Variants in UBTD1 observed in about 807,000 individuals in gnomAD.
The protein encoded by UBTD1 is ubiquitin domain-containing protein 1.
UBTD1 carries 19 observed loss-of-function variants against 21.7 expected under a neutral mutation model. That is an observed-to-expected ratio of 0.87 (90% CI 0.61 to 1.28). The LOEUF (loss-of-function observed/expected upper bound fraction) is 1.28. Ranked by LOEUF, UBTD1 falls within the 50% of genes most tolerant of loss-of-function variation. The pLI is 0.00. For synonymous variants in UBTD1, 116 were observed against 135.1 expected (o/e 0.86, Z 0.98); for missense variants, 282 against 315.1 (o/e 0.89, Z 0.80).
chr10:97,519,126 C>T (rs923229155), intron 1 of UBTD1, among the ~76,000 whole-genome samples: 2 of 152,218 alleles, frequency 1.3e-5, no homozygotes, highest in East Asian at 1.9e-4. Flanking sequence ...TTCAAGTTTT[C>T]GTTTTCTCTA....
intron 1 of UBTD1, among the ~76,000 whole-genome samples, chr10:97,542,185 C>T (rs901161205): frequency 6.6e-6 from 1 of 152,166 alleles, no homozygotes. Context: ...CAGCCAGGCC[C>T]ACCACCCAGG....
intron 1 of UBTD1, among the ~76,000 whole-genome samples, chr10:97,508,593 A>C (rs1392135311): frequency 2.7e-5 from 4 of 150,022 alleles, no homozygotes; most frequent in African/African-American, 7.4e-5. Context: ...CTCCCACCCC[A>C]CCCCCATGGA....
intron 1 of UBTD1, among the ~76,000 whole-genome samples, chr10:97,553,973 A>G (rs2135682212): frequency 6.6e-6 from 1 of 152,256 alleles, no homozygotes; most frequent in East Asian, 1.9e-4. Context: ...TGTAGCGGGG[A>G]GGGGACCCTG....
rs2135642922 is a variant in UBTD1, at chr10:97,499,223, G to C, written c.20G>C (p.Arg7Thr). 1 of 1,548,058 alleles carries C rather than the reference G, an allele frequency of 6.5e-7. No individual in the cohort carries two copies. The highest frequency in any genetic ancestry group is 2.5e-5 in the East Asian group (1 of 40,704). MGNCVG[R>T]QRRERPAAPG... is the part of the protein sequence containing the mutation. ...GCCAGCATGGGCAACTGCGTGGGGA[G>C]ACAGCGCCGGGAGAGGCCGGCAGCC... is the stretch of plus-strand genomic sequence containing the variant. The change falls in exon 1 of 3, where the codon AGA becomes ACA. Residue 7 changes from arginine (R) to threonine (T), a missense_variant. Arg to Thr is a moderately conservative substitution (Grantham distance 71). Coordinates refer to ENST00000370664, the MANE Select transcript of UBTD1 (RefSeq NM_024954.5).
chr10:97,537,820 CTTTTTTTTTTT>C (rs57859135), intron 1 of UBTD1, among the ~76,000 whole-genome samples: 9 of 119,494 alleles, frequency 7.5e-5, no homozygotes, highest in Non-Finnish European at 1.4e-4. Flanking sequence ...CAGGCTTTCT[CTTTTTTTTTTT>C]TTTTTTTTTT....
At chr10:97,528,765 G>C (rs1373125669) in intron 1 of UBTD1, among the ~76,000 whole-genome samples, 2 of 117,232 alleles carry the variant, frequency 1.7e-5, no homozygotes, top group African/African-American at 3.2e-5. Context: ...CTGGCCGGGC[G>C]GGGGGCTGAC....
intron 1 of UBTD1, among the ~76,000 whole-genome samples, chr10:97,503,070 C>T (rs567491191): frequency 1.3e-5 from 2 of 151,950 alleles, no homozygotes; most frequent in Admixed American, 6.6e-5. Context: ...GTGTGCACCA[C>T]CACGCCCAGC....
At chr10:97,568,266 C>A in intron 2 of UBTD1, 125 bp downstream of exon 2, 1 of 946,270 alleles carries the variant, frequency 1.1e-6, no homozygotes, top group Non-Finnish European at 1.6e-6. Flanking sequence ...CATTCAAGCA[C>A]CCCTTACTGA....
In UBTD1 at chr10:97,567,926, C is replaced by A. The variant is rs2040725726; in HGVS notation, c.83C>A (p.Pro28His). The A allele has an allele frequency of 6.2e-7, 1 of 1,614,106 alleles. No homozygotes were observed. The highest frequency in any genetic ancestry group is 2.2e-5 in the East Asian group (1 of 44,864). ...HPRKRAGRNEPLKKERLKWKS... is the reference protein window; with the variant it reads ...HPRKRAGRNEHLKKERLKWKS... ...CTGTCCTGCCCAGGACGCAATGAGC[C>A]CCTGAAGAAAGAGCGGCTTAAGTGG... is the stretch of plus-strand genomic sequence containing the variant. The change falls in exon 2 of 3, where the codon CCC (proline) becomes CAC (histidine). Residue 28 changes from proline to histidine, a missense_variant. By Grantham distance (77) the Pro-to-His change is moderately conservative (BLOSUM62 -2). Coordinates refer to ENST00000370664, the MANE Select transcript of UBTD1 (RefSeq NM_024954.5).
chr10:97,566,461 G>C (rs1000862056), intron 1 of UBTD1, among the ~76,000 whole-genome samples: 5 of 152,146 alleles, frequency 3.3e-5, no homozygotes, highest in African/African-American at 1.2e-4. Context: ...ACAGGTAACT[G>C]TGAATTCAGA....
intron 1 of UBTD1, among the ~76,000 whole-genome samples, chr10:97,506,823 G>A (rs1327370010): frequency 6.6e-6 from 1 of 152,202 alleles, no homozygotes; most frequent in Non-Finnish European, 1.5e-5. Context: ...CCATGGTGTA[G>A]CATGTGTCAG....
chr10:97,552,008 C>G lies in UBTD1; in HGVS notation c.71-15906C>G, dbSNP rs534109404. 5.3e-5 allele frequency among the ~76,000 whole-genome samples: 8 copies of G among 152,118 alleles called. No individual in the cohort carries two copies. The South Asian group carries it at 1.7e-3, about 32-fold the overall frequency. ...ATCACTGCAGCCTTGACCTTCTGGG[C>G]TCAAGTTATCCTCCCGCCTCAGTCT... On this transcript the variant is annotated intron_variant, in intron 1 of 2. Transcript: ENST00000370664.
intron 1 of UBTD1, among the ~76,000 whole-genome samples, chr10:97,538,525 C>T (rs1732368351): frequency 6.6e-6 from 1 of 152,164 alleles, no homozygotes; most frequent in South Asian, 2.1e-4. Flanking sequence ...TTGTGTGTAT[C>T]ATTTGTGTGA....
chr10:97,556,790 C>T (rs753492647), intron 1 of UBTD1, among the ~76,000 whole-genome samples: 35 of 152,138 alleles, frequency 2.3e-4, no homozygotes, highest in Non-Finnish European at 4.4e-4. Context: ...TATAACCTGG[C>T]GGGGGCCGTC....
chr10:97,561,224 G>C (rs1030645271), intron 1 of UBTD1, among the ~76,000 whole-genome samples: 1 of 152,118 alleles, frequency 6.6e-6, no homozygotes, highest in African/African-American at 2.4e-5. Flanking sequence ...AGGCTGGCCG[G>C]AGTTCCCCAC....
intron 1 of UBTD1, among the ~76,000 whole-genome samples, chr10:97,540,953 C>T (rs1334553692): frequency 2.0e-5 from 3 of 152,160 alleles, no homozygotes; most frequent in Non-Finnish European, 2.9e-5. Flanking sequence ...CTGGAGGCAG[C>T]GCTGCTTCTC....
At chr10:97,521,902 G>A (rs2040468255) in intron 1 of UBTD1, among the ~76,000 whole-genome samples, 1 of 152,276 alleles carries the variant, frequency 6.6e-6, no homozygotes, top group Admixed American at 6.5e-5. Flanking sequence ...TGGAACTACA[G>A]ATGTTTGCGT....
intron 1 of UBTD1, among the ~76,000 whole-genome samples, chr10:97,552,557 G>C (rs963508736): frequency 6.6e-6 from 1 of 151,804 alleles, no homozygotes; most frequent in Admixed American, 6.6e-5. Flanking sequence ...CACCAAGCCT[G>C]GCTAATTTTT....
At chr10:97,528,940 G>A (rs1257280384) in intron 1 of UBTD1, among the ~76,000 whole-genome samples, 1 of 143,872 alleles carries the variant, frequency 7.0e-6, no homozygotes, top group Non-Finnish European at 1.5e-5. Context: ...CTGGCCTGGC[G>A]GGGGCTGACC....
Sources: gnomAD v4.1 joint callset for allele counts (sites outside exome capture counted in the v4.1 genomes callset) on GRCh38, gnomAD v4.1.1 for gene constraint, MANE v1.5 for transcripts, NCBI Gene and HGNC (gene_info 2026-07-23, HGNC 2026-07-21) for gene names.